STAM: variants seen among roughly 807,000 people sequenced by gnomAD.
STAM encodes signal transducing adaptor molecule, also known as signal transducing adapter molecule 1.
In STAM, 16 loss-of-function variants were observed where a neutral mutation model predicts 63.4. That is an observed-to-expected ratio of 0.25 (90% CI 0.17 to 0.38). The LOEUF (loss-of-function observed/expected upper bound fraction) is 0.38. Among genes scored for constraint, STAM ranks in the 10% least tolerant of loss-of-function variants. The probability of loss-of-function intolerance (pLI) is 1.00; values close to 1 mark genes in which losing one functional copy is unlikely to be tolerated. For synonymous variants in STAM, 238 were observed against 223.9 expected (o/e 1.06, Z -0.56); for missense variants, 636 against 657.1 (o/e 0.97, Z 0.35).
rs555220446 is a variant in STAM at position 17,676,243 on chromosome 10, T to G, written c.126-8432T>G. ...GCATGAGCTGACTTATTTTTAATAG[T>G]TATGACTTCACCTAGAAACTGAATG... is the stretch of plus-strand genomic sequence containing the variant. On this transcript the variant is annotated intron_variant, in intron 2 of 13. Coordinates refer to ENST00000377524, the MANE Select transcript of STAM (RefSeq NM_003473.4). Among the ~76,000 whole-genome samples the G allele has an allele frequency of 2.0e-5, 3 of 152,312 alleles. No homozygotes were observed. The South Asian group carries it at 6.2e-4, about 32-fold the overall frequency.
At position 17,693,255 on chromosome 10, in the gene STAM, G is replaced by T. The variant is rs782752295; in HGVS notation, c.478G>T (p.Val160Leu). ...ACAAGCAAAAGCAAGCCCAGCTCTT[G>T]TAGCCAAGGATCCTGGTACTGTGGC... is the stretch of plus-strand genomic sequence containing the variant. ...AEQAKASPAL[V>L]AKDPGTVANK... The change falls in exon 6 of 14, where the codon GTA becomes TTA. Residue 160 changes from valine to leucine, a missense_variant. This residue lies in a region of STAM where 532 missense variants were observed against 536.9 expected (regional missense o/e 0.99). Transcript: ENST00000377524. 37 of 1,613,540 alleles carry T rather than the reference G, an allele frequency of 2.3e-5. No individual in the cohort carries two copies. Among genetic ancestry groups the T allele is most frequent in the Non-Finnish European group, 3.1e-5 (36 of 1,179,872 alleles).
Position 17,660,521 on chromosome 10 carries a change from G to C in STAM, c.98G>C (p.Cys33Ser). The change falls in exon 2 of 14, where the codon TGT becomes TCT. Residue 33 changes from cysteine to serine, a missense_variant. By Grantham distance (112) the Cys-to-Ser change is moderately radical. Transcript: ENST00000377524. Reference sequence around the variant, plus strand: ...GACTGGGGCCTCATTTTGGATATCTGTGATAAAGTTGGTCAGTCTCGCACT... The same window carrying C: ...GACTGGGGCCTCATTTTGGATATCTCTGATAAAGTTGGTCAGTCTCGCACT... ...AEDWGLILDI[C>S]DKVGQSRTGP... 1 of 1,605,876 alleles carries C rather than the reference G, an allele frequency of 6.2e-7. No individual in the cohort carries two copies. Among genetic ancestry groups the C allele is most frequent in the Non-Finnish European group, 8.5e-7 (1 of 1,176,084 alleles).
intron 1 of STAM, among the ~76,000 whole-genome samples, chr10:17,655,460 C>G (rs1428217583): frequency 6.6e-6 from 1 of 152,066 alleles, no homozygotes; most frequent in African/African-American, 2.4e-5. Context: ...TCCACTTGGT[C>G]TTTACTAGAT....
chr10:17,657,665 C>T (rs1833993914), intron 1 of STAM, among the ~76,000 whole-genome samples: 1 of 152,092 alleles, frequency 6.6e-6, no homozygotes, highest in Non-Finnish European at 1.5e-5. Context: ...TTTAGATTGT[C>T]TGTTTCTTGT....
chr10:17,666,625 C>T (rs539406003), intron 2 of STAM, among the ~76,000 whole-genome samples: 2 of 152,186 alleles, frequency 1.3e-5, no homozygotes, highest in South Asian at 4.1e-4. Context: ...TCTCGATATC[C>T]TGACCTTGTG....
intron 5 of STAM, among the ~76,000 whole-genome samples, chr10:17,691,344 C>T (rs60838171): frequency 1.1e-4 from 17 of 152,202 alleles, no homozygotes; most frequent in African/African-American, 3.9e-4. Context: ...TGGTGAAAAC[C>T]TGTCTCTACT....
intron 1 of STAM, among the ~76,000 whole-genome samples, chr10:17,652,399 T>A (rs1295232562): frequency 6.6e-6 from 1 of 152,234 alleles, no homozygotes. Context: ...AATCAGATGC[T>A]GATTCTATTT....
chr10:17,660,767 AAAG>A (rs1164301575), intron 2 of STAM, among the ~76,000 whole-genome samples: 2 of 152,288 alleles, frequency 1.3e-5, no homozygotes, highest in East Asian at 3.9e-4. Context: ...GTCTCTTAAA[AAAG>A]AAGGATCAGG....
intron 1 of STAM, among the ~76,000 whole-genome samples, chr10:17,650,149 G>A (rs1255264157): frequency 6.6e-6 from 1 of 152,166 alleles, no homozygotes; most frequent in African/African-American, 2.4e-5. Flanking sequence ...AATCTTAAAT[G>A]TTAATGTCAC....
intron 2 of STAM, among the ~76,000 whole-genome samples, chr10:17,662,489 C>T (rs541768263): frequency 6.6e-6 from 1 of 152,106 alleles, no homozygotes; most frequent in Non-Finnish European, 1.5e-5. Flanking sequence ...TTTTTTCCTG[C>T]ATTTTAGTAA....
rs1000963845 is a variant in STAM at position 17,714,988 on chromosome 10, C to G, written c.*208C>G. ...CCCCCGCCCCTGCAGAGGAATGAAA[C>G]TACTTACAACATTTAATTCCTTTCA... On this transcript the variant is annotated 3_prime_UTR_variant, in exon 14 of 14. Coordinates refer to ENST00000377524, the MANE Select transcript of STAM (RefSeq NM_003473.4). 7 of 563,506 alleles carry G rather than the reference C, an allele frequency of 1.2e-5. No homozygotes were observed. The highest frequency in any genetic ancestry group is 2.2e-5 in the Non-Finnish European group (7 of 314,708). 34.9% of individuals were successfully genotyped at this position (563,506 alleles called of 1,614,324 possible).
chr10:17,656,551 C>T (rs1204618961), intron 1 of STAM, among the ~76,000 whole-genome samples: 3 of 152,148 alleles, frequency 2.0e-5, no homozygotes, highest in African/African-American at 7.2e-5. Context: ...CTTCTGATTT[C>T]TTGGAGGGTA....
intron 1 of STAM, among the ~76,000 whole-genome samples, chr10:17,648,629 C>G (rs944482961): frequency 1.3e-5 from 2 of 152,196 alleles, no homozygotes; most frequent in African/African-American, 4.8e-5. Context: ...CCGGACACAT[C>G]ATCACCTTTT....
Position 17,705,615 on chromosome 10 carries a change from T to C in STAM, c.1083T>C (p.Asn361=), listed in dbSNP as rs1836225491. 2 of 1,613,278 alleles carry C rather than the reference T, an allele frequency of 1.2e-6. No individual in the cohort carries two copies. Among genetic ancestry groups the C allele is most frequent in the African/African-American group, 2.7e-5 (2 of 74,898 alleles). ...AACATTCAGAACTCTCAGAACTTAA[T>C]GTGAAAGTGATGGAGGCCCTTTCCT... ...DRKHSELSEL[N]VKVMEALSLY... is the part of the protein sequence containing the mutation. Residue 361 remains asparagine (N), a synonymous_variant, in exon 12 of 14, where the codon AAT becomes AAC. Coordinates refer to ENST00000377524, the MANE Select transcript of STAM (RefSeq NM_003473.4).
At chr10:17,704,882 T>C (rs1836185158) in intron 10 of STAM, 88 bp from the exon 11 acceptor site, 3 of 1,133,760 alleles carry the variant, frequency 2.6e-6, no homozygotes, top group Non-Finnish European at 3.9e-6. Flanking sequence ...TTAAATCTTT[T>C]ATTCCTTAAA....
chr10:17,707,970 C>A (rs189657943), intron 12 of STAM, among the ~76,000 whole-genome samples: 1 of 151,866 alleles, frequency 6.6e-6, no homozygotes, highest in South Asian at 2.1e-4. Flanking sequence ...AGCTCGCTGC[C>A]AGCTCCGCCT....
intron 2 of STAM, among the ~76,000 whole-genome samples, chr10:17,672,575 C>G (rs151003168): frequency 6.6e-6 from 1 of 152,306 alleles, no homozygotes; most frequent in Admixed American, 6.5e-5. Flanking sequence ...GAGGGCCATT[C>G]TTGCTCGGAG....
At chr10:17,651,775 A>G (rs1195570026) in intron 1 of STAM, among the ~76,000 whole-genome samples, 1 of 152,224 alleles carries the variant, frequency 6.6e-6, no homozygotes, top group Non-Finnish European at 1.5e-5. Context: ...AATTTCTTTC[A>G]GACTTACTTT....
chr10:17,697,076 T>C (rs528823427), intron 8 of STAM, among the ~76,000 whole-genome samples: 70 of 152,210 alleles, frequency 4.6e-4, no homozygotes, highest in African/African-American at 1.5e-3. Context: ...CCCGCCGCCA[T>C]GTCCAGCTGT....
Sources: gnomAD v4.1 joint callset for allele counts (sites outside exome capture counted in the v4.1 genomes callset) on GRCh38, gnomAD v4.1.1 for gene constraint, gnomAD v4.1.1 regional missense constraint, MANE v1.5 for transcripts, NCBI Gene and HGNC (gene_info 2026-07-23, HGNC 2026-07-21) for gene names.